The following CALD1 variants were observed in gnomAD, a reference collection of about 807,000 sequenced individuals.
CALD1 encodes the protein caldesmon 1, also known as caldesmon.
In CALD1, 33 loss-of-function variants were observed where a neutral mutation model predicts 99.9. The ratio of observed to expected loss-of-function variants is 0.33; its 90% CI spans 0.25 to 0.44. CALD1 has a LOEUF of 0.44. CALD1 is among the 20% of genes least tolerant of loss of function. The probability of loss-of-function intolerance (pLI) is 1.00; values close to 1 mark genes in which losing one functional copy is unlikely to be tolerated. For missense variants in CALD1, 861 were observed against 962.1 expected, an observed-to-expected ratio of 0.89 and a Z score of 1.39; for synonymous variants, 310 against 325.0, an observed-to-expected ratio of 0.95 and a Z score of 0.50.
At chr7:134,889,686 T>G (rs1392527815) in intron 3 of CALD1, among the ~76,000 whole-genome samples, 1 of 152,182 alleles carries the variant, frequency 6.6e-6, no homozygotes, top group Non-Finnish European at 1.5e-5. Flanking sequence ...AGCGAGAAAC[T>G]CAGGACAAGT....
At chr7:134,731,705 T>C in the CALD1 span, among the ~76,000 whole-genome samples, 2 of 152,296 alleles carry the variant, frequency 1.3e-5, no homozygotes, top group East Asian at 3.9e-4. Flanking sequence ...AATCTGCTAT[T>C]GACCTTTTTT....
rs768000641 is a variant in CALD1, at chr7:134,968,346, G to A, written c.*1G>A. On this transcript the variant is annotated 3_prime_UTR_variant, in exon 15 of 15. Transcript: ENST00000361675. The stretch of plus-strand genomic sequence containing the variant: ...AGTTCTCTTCTCTTGGCAGGTTTGA[G>A]ACAGTTCCAGAAAGAACCCAAGCTC... The A allele has an allele frequency of 3.7e-6, 6 of 1,613,796 alleles. No individual in the cohort carries two copies. Among genetic ancestry groups the A allele is most frequent in the East Asian group, 2.2e-5 (1 of 44,870 alleles).
At position 134,838,980 on chromosome 7, in the gene CALD1, A is replaced by T. The variant is rs188676418; in HGVS notation, c.-129-4904A>T. ...GCACAATTTATAATTGTACAGAGTG[A>T]TGGACTTTCACAGAATGAACGCAAC... On this transcript the variant is annotated intron_variant, in intron 1 of 14. Coordinates refer to ENST00000361675, the MANE Select transcript of CALD1 (RefSeq NM_033138.4). 4.8e-4 allele frequency among the ~76,000 whole-genome samples: 73 copies of T among 152,308 alleles called. 1 individual carries two copies. Among genetic ancestry groups the T allele is most frequent in the African/African-American group, 1.7e-3 (69 of 41,556 alleles).
chr7:134,857,731 T>C (rs1478015033), intron 2 of CALD1, among the ~76,000 whole-genome samples: 2 of 152,276 alleles, frequency 1.3e-5, no homozygotes, highest in East Asian at 3.9e-4. Flanking sequence ...CTTTCCACCT[T>C]GGATTATAAA....
At chr7:134,727,806 A>G in the CALD1 span, among the ~76,000 whole-genome samples, 1 of 152,168 alleles carries the variant, frequency 6.6e-6, no homozygotes, top group South Asian at 2.1e-4. Flanking sequence ...CAGTTTGGTG[A>G]TGAGGAGCAT....
chr7:134,833,567 G>A (rs1799314882), intron 1 of CALD1, among the ~76,000 whole-genome samples: 2 of 152,174 alleles, frequency 1.3e-5, no homozygotes, highest in South Asian at 4.1e-4. Flanking sequence ...CTGGGAAGAA[G>A]GGCACTGGAG....
At chr7:134,847,277 G>A (rs1329852515) in intron 2 of CALD1, among the ~76,000 whole-genome samples, 1 of 152,142 alleles carries the variant, frequency 6.6e-6, no homozygotes, top group Non-Finnish European at 1.5e-5. Flanking sequence ...GAGCCTCCCT[G>A]GAAACCTTGA....
chr7:134,938,394 T>G (rs1200681755), intron 6 of CALD1, among the ~76,000 whole-genome samples: 2 of 152,200 alleles, frequency 1.3e-5, no homozygotes, highest in African/African-American at 4.8e-5. Context: ...CCCCATGTAT[T>G]ATTCCACTGG....
chr7:134,828,209 T>G (rs1799081926), intron 1 of CALD1, among the ~76,000 whole-genome samples: 1 of 152,192 alleles, frequency 6.6e-6, no homozygotes, highest in African/African-American at 2.4e-5. Flanking sequence ...GGCTGGTGTA[T>G]GAGTAGGTCC....
At chr7:134,734,361 GT>G in the CALD1 span, among the ~76,000 whole-genome samples, 100,507 of 151,956 alleles carry the variant, frequency 0.66, 33,754 homozygotes, top group East Asian at 0.89. Context: ...TGGGTTTTTT[GT>G]TTTTACTATG....
chr7:134,913,173 G>T (rs1251886418), intron 3 of CALD1, among the ~76,000 whole-genome samples: 2 of 152,146 alleles, frequency 1.3e-5, no homozygotes, highest in African/African-American at 4.8e-5. Flanking sequence ...GGCTAAGGCA[G>T]GAGAATTGCT....
intron 3 of CALD1, among the ~76,000 whole-genome samples, chr7:134,909,242 AAG>A (rs1803616066): frequency 6.6e-6 from 1 of 152,232 alleles, no homozygotes; most frequent in Admixed American, 6.5e-5. Context: ...TTTTAAAAGT[AAG>A]AGGATATGGA....
At chr7:134,712,046 AGAGGGAGGGAGG>A in the CALD1 span, among the ~76,000 whole-genome samples, 2 of 36,874 alleles carry the variant, frequency 5.4e-5, no homozygotes, top group Admixed American at 3.2e-4. Context: ...AAGGAGGGAG[AGAGGGAGGGAGG>A]GAGGGAGGGA....
intron 1 of CALD1, among the ~76,000 whole-genome samples, chr7:134,800,920 AT>A (rs2131842060): frequency 6.6e-6 from 1 of 152,156 alleles, no homozygotes; most frequent in South Asian, 2.1e-4. Flanking sequence ...AATTTCCAGA[AT>A]TTTTAGACCC....
chr7:134,857,158 C>CTTTTTTTTTTTT (rs59210460), intron 2 of CALD1, among the ~76,000 whole-genome samples: 2 of 75,354 alleles, frequency 2.7e-5, no homozygotes, highest in Non-Finnish European at 2.5e-5. Flanking sequence ...TTGCGCTATT[C>CTTTTTTTTTTTT]TTTTTTTTTT....
intron 3 of CALD1, among the ~76,000 whole-genome samples, chr7:134,928,411 A>C (rs1805213995): frequency 7.5e-6 from 1 of 133,732 alleles, no homozygotes; most frequent in Admixed American, 8.3e-5. Context: ...CCCGGGTGAC[A>C]GTGCAAGACT....
chr7:134,901,825 C>CTG (rs1803019374), intron 3 of CALD1, among the ~76,000 whole-genome samples: 1 of 152,102 alleles, frequency 6.6e-6, no homozygotes, highest in African/African-American at 2.4e-5. Context: ...AGGCTTCCCT[C>CTG]TGTGTGTGTC....
At chr7:134,732,283 C>T in the CALD1 span, among the ~76,000 whole-genome samples, 2 of 152,174 alleles carry the variant, frequency 1.3e-5, no homozygotes, top group South Asian at 2.1e-4. Context: ...TTTCAAGGGC[C>T]ACCCAATGCC....
At chr7:134,722,596 A>G in the CALD1 span, among the ~76,000 whole-genome samples, 1 of 151,704 alleles carries the variant, frequency 6.6e-6, no homozygotes, top group Non-Finnish European at 1.5e-5. Flanking sequence ...TAATTTTTGT[A>G]TTTTTAGTAG....
Sources: gnomAD v4.1 joint callset for allele counts (sites outside exome capture counted in the v4.1 genomes callset) on GRCh38, gnomAD v4.1.1 for gene constraint, MANE v1.5 for transcripts, NCBI Gene and HGNC (gene_info 2026-07-23, HGNC 2026-07-21) for gene names.